ATP2A1: variants seen among roughly 807,000 people sequenced by gnomAD.
ATP2A1 encodes the protein sarcoplasmic/endoplasmic reticulum calcium ATPase 1.
Under a neutral mutation model 109.5 loss-of-function variants are expected in ATP2A1, and 83 were observed. That is an observed-to-expected ratio of 0.76 (90% CI 0.63 to 0.91). The LOEUF (loss-of-function observed/expected upper bound fraction) is 0.91. Ranked by LOEUF, ATP2A1 falls within the 40% of genes least tolerant of loss-of-function variation. ATP2A1 has a pLI of 0.00. For synonymous variants in ATP2A1, 505 were observed against 537.6 expected, an observed-to-expected ratio of 0.94 and a Z score of 0.84; for missense variants, 1,101 against 1,341.0, an observed-to-expected ratio of 0.82 and a Z score of 2.80.
rs143087385 is a variant in ATP2A1 at position 28,886,498 on chromosome 16, G to C, written c.545-691G>C. Reference sequence around the variant, plus strand: ...GAGGGAGGCATGGTCGTAAGTGTAGGTCCCCCTTCCTCCCAGAAACATGCT... The same window carrying C: ...GAGGGAGGCATGGTCGTAAGTGTAGCTCCCCCTTCCTCCCAGAAACATGCT... On this transcript the variant is annotated intron_variant, in intron 6 of 22. Transcript: ENST00000395503. Among the ~76,000 whole-genome samples the C allele has an allele frequency of 3.4e-3, 514 of 152,038 alleles. 5 individuals are homozygous for C. The highest frequency in any genetic ancestry group is 0.029 in the South Asian group (137 of 4,804).
At chr16:28,893,047 AAAG>A (rs1331311183) in intron 9 of ATP2A1, among the ~76,000 whole-genome samples, 1 of 151,538 alleles carries the variant, frequency 6.6e-6, no homozygotes, top group Admixed American at 6.6e-5. Flanking sequence ...AAAAAAAAAA[AAAG>A]AATTGCCCAT....
At position 28,898,768 on chromosome 16, in the gene ATP2A1, G is replaced by C. The variant is rs1321103111; in HGVS notation, c.1764+317G>C. Among the ~76,000 whole-genome samples the C allele has an allele frequency of 6.6e-6, 1 of 151,840 alleles. No individual in the cohort carries two copies. The highest frequency in any genetic ancestry group is 1.5e-5 in the Non-Finnish European group (1 of 67,998). On this transcript the variant is annotated intron_variant, in intron 14 of 22. Transcript: ENST00000395503. This position sits in a 1 kb window ranked among gnomAD's most constrained non-coding sequence, Gnocchi z 4.0. ...AAAAAAAAAATTTTTTTAATTACCT[G>C]GTTAAATTCATAGGGGTCTGGGTAA...
Position 28,894,607 on chromosome 16 carries a change from G to C in ATP2A1, c.1287G>C (p.Glu429Asp). ...LCNDSSLDFN[E>D]AKGVYEKVGE... ...ATGACTCCTCCTTGGACTTCAACGA[G>C]GTAACCTCTCCTTCCCCTTCCAGTT... The change falls in exon 11 of 23, where the codon GAG (glutamate) becomes GAC (aspartate). Residue 429 changes from glutamate (E) to aspartate (D), a missense_variant and splice_region_variant. By Grantham distance (45) the Glu-to-Asp change is conservative. Coordinates refer to ENST00000395503, the MANE Select transcript of ATP2A1 (RefSeq NM_004320.6). 1 of 1,614,030 alleles carries C rather than the reference G, an allele frequency of 6.2e-7. No homozygotes were observed. Among genetic ancestry groups the C allele is most frequent in the Non-Finnish European group, 8.5e-7 (1 of 1,179,968 alleles).
chr16:28,882,724 A>G, intron 5 of ATP2A1, 135 bp downstream of exon 5: 3 of 1,370,562 alleles, frequency 2.2e-6, no homozygotes, highest in Non-Finnish European at 3.0e-6. Flanking sequence ...ACTCCTCAGA[A>G]GGTCATCCCA....
chr16:28,894,370 T>C, intron 10 of ATP2A1, 127 bp downstream of exon 10: 2 of 1,285,892 alleles, frequency 1.6e-6, no homozygotes, highest in South Asian at 2.5e-5. Context: ...TTGTTCTCTC[T>C]CCTGATATCC....
chr16:28,890,162 G>A (rs966321534), intron 9 of ATP2A1, among the ~76,000 whole-genome samples: 5 of 151,678 alleles, frequency 3.3e-5, no homozygotes, highest in Non-Finnish European at 7.4e-5. Flanking sequence ...GAAATGAAAT[G>A]AAATAAAATA....
At chr16:28,890,996 T>A (rs1354988506) in intron 9 of ATP2A1, among the ~76,000 whole-genome samples, 1 of 151,722 alleles carries the variant, frequency 6.6e-6, no homozygotes, top group African/African-American at 2.4e-5. Flanking sequence ...CAGGATTCTG[T>A]TTTAAAAATA....
Position 28,898,457 on chromosome 16 carries a change from C to T in ATP2A1, c.1764+6C>T. ...CCAGGTTCCTGGAGTATGAGGTAAG[C>T]AGCTGGGAGCCTCCCACTGTCGTGG... is the stretch of plus-strand genomic sequence containing the variant. On this transcript the variant is annotated splice_donor_region_variant and intron_variant, in intron 14 of 22. Coordinates refer to ENST00000395503, the MANE Select transcript of ATP2A1 (RefSeq NM_004320.6). The surrounding 1 kb of genome is among the most constrained non-coding windows in gnomAD (Gnocchi z 4.0). The T allele has an allele frequency of 1.9e-6, 3 of 1,556,618 alleles. No homozygotes were observed. The highest frequency in any genetic ancestry group is 2.6e-6 in the Non-Finnish European group (3 of 1,168,754).
At position 28,903,699 on chromosome 16, in the gene ATP2A1, G is replaced by A. The variant is rs1234252031; in HGVS notation, c.2981-1G>A. 1.9e-6 allele frequency: 3 copies of A among 1,613,302 alleles called. No individual in the cohort carries two copies. The highest frequency in any genetic ancestry group is 2.2e-5 in the South Asian group (2 of 91,046). On this transcript the variant is annotated splice_acceptor_variant, in intron 21 of 22. Transcript: ENST00000395503. LOFTEE classifies it high-confidence loss of function. The surrounding 1 kb of genome is among the most constrained non-coding windows in gnomAD (Gnocchi z 5.6). ...GTGCCTCTTGTCCTCTCTGGCCATA[G>A]GATAACTGTTCCCCCTCCTCCATCT...
At chr16:28,888,662 C>T (rs1963684888) in intron 8 of ATP2A1, 125 bp from the exon 9 acceptor site, 2 of 1,181,916 alleles carry the variant, frequency 1.7e-6, no homozygotes, top group African/African-American at 3.0e-5. Context: ...GCCTCAGCCT[C>T]CCAAAGTGCT....
At position 28,883,131 on chromosome 16, in the gene ATP2A1, C is replaced by G. The variant is rs949663100; in HGVS notation, c.463+542C>G. On this transcript the variant is annotated intron_variant, in intron 5 of 22. Transcript: ENST00000395503. This position sits in a 1 kb window ranked among gnomAD's most constrained non-coding sequence, Gnocchi z 5.2. ...GGAGGGCCCCGCCCGCGGCAAGGGA[C>G]ACTTAATGCCTGGCCAGGGAGGGGT... Among the ~76,000 whole-genome samples the G allele has an allele frequency of 2.6e-5, 4 of 152,218 alleles. No individual in the cohort carries two copies. The highest frequency in any genetic ancestry group is 1.3e-4 in the Admixed American group (2 of 15,288).
rs1254207162 is a variant in ATP2A1 at position 28,883,349 on chromosome 16, C to T, written c.463+760C>T. On this transcript the variant is annotated intron_variant, in intron 5 of 22. Coordinates refer to ENST00000395503, the MANE Select transcript of ATP2A1 (RefSeq NM_004320.6). The surrounding 1 kb of genome is among the most constrained non-coding windows in gnomAD (Gnocchi z 5.2). ...AGAGGGAGTGAGGGCAGGCTGAAGA[C>T]CCCAGCGCCCCATCACAGGGCAGCC... 6.6e-6 allele frequency among the ~76,000 whole-genome samples: 1 copy of T among 152,216 alleles called. No individual in the cohort carries two copies. Among genetic ancestry groups the T allele is most frequent in the Admixed American group, 6.5e-5 (1 of 15,288 alleles).
Position 28,898,317 on chromosome 16 carries a change from A to C in ATP2A1, c.1630A>C (p.Lys544Gln). 1 of 1,614,202 alleles carries C rather than the reference A, an allele frequency of 6.2e-7. No individual in the cohort carries two copies. The highest frequency in any genetic ancestry group is 8.5e-7 in the Non-Finnish European group (1 of 1,180,032). The change falls in exon 14 of 23, where the codon AAG becomes CAG. Residue 544 changes from lysine to glutamine, a missense_variant. By Grantham distance (53) the Lys-to-Gln change is moderately conservative. Coordinates refer to ENST00000395503, the MANE Select transcript of ATP2A1 (RefSeq NM_004320.6). The surrounding 1 kb of genome is among the most constrained non-coding windows in gnomAD (Gnocchi z 4.0). Reference protein sequence around the residue: ...RVPLTGPVKEKIMAVIKEWGT... With the variant: ...RVPLTGPVKEQIMAVIKEWGT... ...GCCACTGACGGGGCCGGTGAAGGAAAAGATCATGGCGGTGATCAAGGAGTG... is the reference window on the plus strand; with the variant it reads ...GCCACTGACGGGGCCGGTGAAGGAACAGATCATGGCGGTGATCAAGGAGTG...
At chr16:28,887,319 T>A in intron 7 of ATP2A1, 45 bp downstream of exon 7, 1 of 1,612,750 alleles carries the variant, frequency 6.2e-7, no homozygotes. Flanking sequence ...TCAAGCCAGG[T>A]GCCCGGGTTG....
Position 28,903,823 on chromosome 16 carries a change from A to T in ATP2A1, c.*37+82A>T. ...CTCAGCCCCTTGCGCGTCGCATCCA[A>T]GGTCACTTGTGCTCGCAGCTCCACC... On this transcript the variant is annotated intron_variant, in intron 22 of 22. Coordinates refer to ENST00000395503, the MANE Select transcript of ATP2A1 (RefSeq NM_004320.6). This position sits in a 1 kb window ranked among gnomAD's most constrained non-coding sequence, Gnocchi z 5.6. 7.6e-7 allele frequency: 1 copy of T among 1,309,344 alleles called. No homozygotes were observed. The highest frequency in any genetic ancestry group is 1.1e-6 in the Non-Finnish European group (1 of 904,642). 81.1% of individuals were successfully genotyped at this position (1,309,344 alleles called of 1,614,324 possible). A position where few individuals can be genotyped will look rare whatever the true frequency, so the allele number is the denominator to read the frequency against.
Position 28,898,334 on chromosome 16 carries a change from C to G in ATP2A1, c.1647C>G (p.Ile549Met). 2 of 1,614,184 alleles carry G rather than the reference C, an allele frequency of 1.2e-6. No individual in the cohort carries two copies. The highest frequency in any genetic ancestry group is 1.7e-6 in the Non-Finnish European group (2 of 1,180,050). ...TGAAGGAAAAGATCATGGCGGTGAT[C>G]AAGGAGTGGGGCACTGGCCGGGACA... ...GPVKEKIMAV[I>M]KEWGTGRDTL... Residue 549 changes from isoleucine to methionine, a missense_variant, in exon 14 of 23, where the codon ATC (isoleucine) becomes ATG (methionine). Physicochemically the swap from Ile to Met is conservative, Grantham distance 10. Coordinates refer to ENST00000395503, the MANE Select transcript of ATP2A1 (RefSeq NM_004320.6). The surrounding 1 kb of genome is among the most constrained non-coding windows in gnomAD (Gnocchi z 4.0).
rs764473732 is a variant in ATP2A1, at chr16:28,879,600, C to G, written c.219+17C>G. ...ATTTCCTTCGTAAGTGTGGGAGGGT[C>G]TCTGGGGGCTGGCTGGGGGTGTGAG... On this transcript the variant is annotated intron_variant, in intron 3 of 22. Coordinates refer to ENST00000395503, the MANE Select transcript of ATP2A1 (RefSeq NM_004320.6). 2 of 1,613,230 alleles carry G rather than the reference C, an allele frequency of 1.2e-6. No individual in the cohort carries two copies. Among genetic ancestry groups the G allele is most frequent in the Non-Finnish European group, 1.7e-6 (2 of 1,179,394 alleles).
At chr16:28,899,574 G>A (rs1217877042) in intron 14 of ATP2A1, among the ~76,000 whole-genome samples, 2 of 151,280 alleles carry the variant, frequency 1.3e-5, no homozygotes, top group Non-Finnish European at 1.5e-5. Context: ...GGGAGGCGGA[G>A]GTTGCAGTGA....
In ATP2A1 at chr16:28,903,065, C is replaced by A. The variant is rs1964134313; in HGVS notation, c.2780C>A (p.Pro927His). Reference protein sequence around the residue: ...SENQSLLRMPPWVNIWLLGSI... With the variant: ...SENQSLLRMPHWVNIWLLGSI... ...AACCAGTCCCTGCTGCGGATGCCAC[C>A]CTGGGTGAACATCTGGCTGCTGGGC... Residue 927 changes from proline to histidine, a missense_variant, in exon 20 of 23, where the codon CCC becomes CAC. By Grantham distance (77) the Pro-to-His change is moderately conservative. Coordinates refer to ENST00000395503, the MANE Select transcript of ATP2A1 (RefSeq NM_004320.6). The surrounding 1 kb of genome is among the most constrained non-coding windows in gnomAD (Gnocchi z 5.6). 6.2e-7 allele frequency: 1 copy of A among 1,613,776 alleles called. No individual in the cohort carries two copies. Among genetic ancestry groups the A allele is most frequent in the African/African-American group, 1.3e-5 (1 of 74,914 alleles).
Sources: gnomAD v4.1 joint callset for allele counts (sites outside exome capture counted in the v4.1 genomes callset) on GRCh38, gnomAD v4.1.1 for gene constraint, Gnocchi (gnomAD v3.1) non-coding constraint, MANE v1.5 for transcripts, NCBI Gene and HGNC (gene_info 2026-07-23, HGNC 2026-07-21) for gene names.